Variants in AARS1 observed in about 807,000 individuals in gnomAD.
The protein encoded by AARS1 is alanyl-tRNA synthetase 1, also known as alanine--tRNA ligase, cytoplasmic.
AARS1 carries 72 observed loss-of-function variants against 108.9 expected under a neutral mutation model. The ratio of observed to expected loss-of-function variants is 0.66; its 90% CI spans 0.55 to 0.80. AARS1 has a LOEUF of 0.80. AARS1 is among the 30% of genes least tolerant of loss of function. The pLI, the probability that AARS1 is intolerant of heterozygous loss-of-function variation, is 0.00. For synonymous variants in AARS1, 489 were observed against 465.7 expected, an observed-to-expected ratio of 1.05 and a Z score of -0.64; for missense variants, 1,193 against 1,233.2, an observed-to-expected ratio of 0.97 and a Z score of 0.49.
rs148207980 is a variant in AARS1, at chr16:70,267,188, A to G, written c.1222+471T>C. Among the ~76,000 whole-genome samples, 395 of 152,324 alleles carry G rather than the reference A, an allele frequency of 2.6e-3. 2 individuals are homozygous for G. Among genetic ancestry groups the G allele is most frequent in the Non-Finnish European group, 4.7e-3 (322 of 68,030 alleles). ...GTGTTCAATTTGTGAAAATTCATCA[A>G]GCTTTTCCCTTGTTCATTATACTTC... On this transcript the variant is annotated intron_variant, in intron 9 of 20. Transcript: ENST00000261772.
chr16:70,269,852 A>T, intron 6 of AARS1, 89 bp from the exon 7 acceptor site: 1 of 1,540,168 alleles, frequency 6.5e-7, no homozygotes, highest in South Asian at 1.1e-5. Flanking sequence ...ATTGAGGAGC[A>T]TTAGCAGAAA....
intron 16 of AARS1, among the ~76,000 whole-genome samples, chr16:70,255,119 G>T (rs1429909737): frequency 6.6e-6 from 1 of 151,796 alleles, no homozygotes; most frequent in Non-Finnish European, 1.5e-5. Flanking sequence ...AGCGCTGGGG[G>T]CCCCGATGCC....
chr16:70,252,595 G>T lies in AARS1; in HGVS notation c.*126C>A, dbSNP rs936040078. On this transcript the variant is annotated 3_prime_UTR_variant, in exon 21 of 21. Coordinates refer to ENST00000261772, the MANE Select transcript of AARS1 (RefSeq NM_001605.3). ...CACTGAGACATAGGACTGCTCCCAA[G>T]TGTGTTCCAGTTACTGCTGGGTTAG... is the stretch of plus-strand genomic sequence containing the variant. 1.9e-6 allele frequency: 2 copies of T among 1,067,514 alleles called. No homozygotes were observed. Among genetic ancestry groups the T allele is most frequent in the Non-Finnish European group, 2.8e-6 (2 of 709,120 alleles). 66.1% of individuals were successfully genotyped at this position (1,067,514 alleles called of 1,614,324 possible). A position where few individuals can be genotyped will look rare whatever the true frequency, so the allele number is the denominator to read the frequency against.
In AARS1 at chr16:70,271,831, G is replaced by T. The variant is rs147424208; in HGVS notation, c.621C>A (p.Asp207Glu). 4.3e-6 allele frequency: 7 copies of T among 1,613,724 alleles called. No individual in the cohort carries two copies. Among genetic ancestry groups the T allele is most frequent in the African/African-American group, 1.3e-5 (1 of 74,896 alleles). ...GRDAAHLVNQ[D>E]DPNVLEIWNL... ...TCCAGATCTCCAGCACATTAGGGTC[G>T]TCCTGGTTGACAAGATGTGCGGCGT... The change falls in exon 5 of 21, where the codon GAC becomes GAA. Residue 207 changes from aspartate (D) to glutamate (E), a missense_variant. By Grantham distance (45) the Asp-to-Glu change is conservative. Transcript: ENST00000261772.
chr16:70,284,170 G>C (rs1366229850), intron 1 of AARS1, among the ~76,000 whole-genome samples: 1 of 152,008 alleles, frequency 6.6e-6, no homozygotes, highest in African/African-American at 2.4e-5. Context: ...GCCGGGCGTG[G>C]TGGCAGGCGC....
rs202099051 is a variant in AARS1 at position 70,271,910 on chromosome 16, G to C, written c.542C>G (p.Thr181Arg). Reference sequence around the variant, plus strand: ...CTCACTGCAAGGACCACAGGGGCCCGTGTCACCCATCTCCCAGAAGTTATC... The same window carrying C: ...CTCACTGCAAGGACCACAGGGGCCCCTGTCACCCATCTCCCAGAAGTTATC... ...MKDNFWEMGD[T>R]GPCGPCSEIH... Residue 181 changes from threonine to arginine, a missense_variant, in exon 5 of 21, where the codon ACG becomes AGG. Coordinates refer to ENST00000261772, the MANE Select transcript of AARS1 (RefSeq NM_001605.3). 19 of 1,613,982 alleles carry C rather than the reference G, an allele frequency of 1.2e-5. No individual in the cohort carries two copies. The East Asian group carries it at 4.0e-4, about 34-fold the overall frequency.
chr16:70,255,127 G>A (rs538861786), intron 16 of AARS1, among the ~76,000 whole-genome samples: 1 of 151,764 alleles, frequency 6.6e-6, no homozygotes, highest in Non-Finnish European at 1.5e-5. Context: ...GGGCCCCGAT[G>A]CCACAGCGAA....
At chr16:70,285,739 G>A (rs756739257) in intron 1 of AARS1, among the ~76,000 whole-genome samples, 12 of 152,000 alleles carry the variant, frequency 7.9e-5, no homozygotes, top group Admixed American at 3.3e-4. Context: ...ATGAGCCACC[G>A]CGCCCAGCTA....
chr16:70,264,096 A>C (rs773772085), intron 11 of AARS1, among the ~76,000 whole-genome samples: 1 of 151,444 alleles, frequency 6.6e-6, no homozygotes, highest in Non-Finnish European at 1.5e-5. Flanking sequence ...AAACACAAAA[A>C]TCAGCCGGGT....
chr16:70,276,476 G>A lies in AARS1; in HGVS notation c.479+10C>T, dbSNP rs1217365736. On this transcript the variant is annotated intron_variant, in intron 4 of 20. Transcript: ENST00000261772. The stretch of plus-strand genomic sequence containing the variant: ...CCTCCATACTCTCAAGAAGTGATGT[G>A]CATTCTTACCCCAAATTTTGCCAGA... 2 of 1,613,742 alleles carry A rather than the reference G, an allele frequency of 1.2e-6. No individual in the cohort carries two copies. Among genetic ancestry groups the A allele is most frequent in the Non-Finnish European group, 1.7e-6 (2 of 1,179,820 alleles).
chr16:70,258,247 G>C (rs1015550480), intron 14 of AARS1, 30 bp from the exon 15 acceptor site: 1 of 1,564,992 alleles, frequency 6.4e-7, no homozygotes, highest in Admixed American at 1.9e-5. Context: ...GAAAAGAGCT[G>C]GAAGAGATCC....
intron 11 of AARS1, among the ~76,000 whole-genome samples, chr16:70,262,885 G>A (rs922877674): frequency 2.1e-5 from 3 of 140,188 alleles, no homozygotes; most frequent in East Asian, 4.6e-4. Flanking sequence ...GAAGAATGGC[G>A]TGAACCCAGG....
chr16:70,253,260 G>T lies in AARS1; in HGVS notation c.2721+8C>A. 1.2e-6 allele frequency: 2 copies of T among 1,601,710 alleles called. No homozygotes were observed. Among genetic ancestry groups the T allele is most frequent in the South Asian group, 1.1e-5 (1 of 90,826 alleles). On this transcript the variant is annotated splice_region_variant and intron_variant, in intron 20 of 20. Transcript: ENST00000261772. ...TAACACTTCCCACTGGTGCGAGGTG[G>T]TGCTGACCTGGGGAACTTGACACAG...
rs769902793 is a variant in AARS1 at position 70,268,288 on chromosome 16, C to T, written c.1054G>A (p.Val352Ile). ...AAACCTACCAGGGACTGGACGACAA[C>T]ATCCACTAACGTAGCAAAGAAGCCC... ...SRGFFATLVD[V>I]VVQSLGDAFP... The change falls in exon 8 of 21, where the codon GTT (valine) becomes ATT (isoleucine). Residue 352 changes from valine to isoleucine, a missense_variant. Transcript: ENST00000261772. 4 of 1,614,172 alleles carry T rather than the reference C, an allele frequency of 2.5e-6. No homozygotes were observed. In the South Asian group the frequency reaches 4.4e-5, roughly 18 times the overall value.
chr16:70,268,362 A>G lies in AARS1; in HGVS notation c.980T>C (p.Ile327Thr). ...GGCGTATCGGACAGCTCGGCGGAGA[A>G]TCCGTCTCAACACATATCTGTAAGA... ...NTGRGYVLRRILRRAVRYAHE... is the reference protein window; with the variant it reads ...NTGRGYVLRRTLRRAVRYAHE... Residue 327 changes from isoleucine (I) to threonine (T), a missense_variant, in exon 8 of 21, where the codon ATT becomes ACT. By Grantham distance (89) the Ile-to-Thr change is moderately conservative. Coordinates refer to ENST00000261772, the MANE Select transcript of AARS1 (RefSeq NM_001605.3). The G allele has an allele frequency of 6.2e-7, 1 of 1,614,120 alleles. No homozygotes were observed. The highest frequency in any genetic ancestry group is 8.5e-7 in the Non-Finnish European group (1 of 1,179,994).
At chr16:70,285,519 G>C (rs773137040) in intron 1 of AARS1, among the ~76,000 whole-genome samples, 7 of 152,010 alleles carry the variant, frequency 4.6e-5, no homozygotes, top group African/African-American at 1.4e-4. Context: ...CGCAATCTCA[G>C]CTCACTGCAG....
intron 1 of AARS1, among the ~76,000 whole-genome samples, chr16:70,284,132 T>G (rs982346211): frequency 2.0e-5 from 3 of 151,766 alleles, no homozygotes; most frequent in African/African-American, 7.3e-5. Flanking sequence ...AAACTCTGTC[T>G]CTACTAGAAA....
chr16:70,278,498 G>C (rs954686966), intron 2 of AARS1, among the ~76,000 whole-genome samples: 1 of 151,500 alleles, frequency 6.6e-6, no homozygotes, highest in East Asian at 1.9e-4. Context: ...CCGGGAGGCA[G>C]AGGTTGCAGT....
chr16:70,253,993 G>C lies in AARS1; in HGVS notation c.2446C>G (p.Arg816Gly), dbSNP rs778478316. 1 of 1,614,126 alleles carries C rather than the reference G, an allele frequency of 6.2e-7. No individual in the cohort carries two copies. Among genetic ancestry groups the C allele is most frequent in the South Asian group, 1.1e-5 (1 of 91,076 alleles). Residue 816 changes from arginine (R) to glycine (G), a missense_variant, in exon 18 of 21, where the codon CGG becomes GGG. Physicochemically the swap from Arg to Gly is moderately radical, Grantham distance 125 (BLOSUM62 -2). Coordinates refer to ENST00000261772, the MANE Select transcript of AARS1 (RefSeq NM_001605.3). ...TTCTTTAGGGATTTGAGAGTCTCCC[G>C]CAATTCATCCTTCTGCCACTGGGGG... ...VIPQWQKDEL[R>G]ETLKSLKKVM... is the part of the protein sequence containing the mutation.
Sources: allele counts gnomAD v4.1 joint callset (sites outside exome capture counted in the v4.1 genomes callset), GRCh38; gene constraint gnomAD v4.1.1; transcripts MANE v1.5; gene names NCBI Gene and HGNC (gene_info 2026-07-23, HGNC 2026-07-21).